Variants in BBS9 observed in about 807,000 individuals in gnomAD.
The protein encoded by BBS9 is Bardet-Biedl syndrome 9.
Under a neutral mutation model 117.7 loss-of-function variants are expected in BBS9, and 89 were observed. The ratio of observed to expected loss-of-function variants is 0.76; its 90% CI spans 0.64 to 0.90. The LOEUF is 0.90. Among genes scored for constraint, BBS9 ranks in the 40% least tolerant of loss-of-function variants. BBS9 has a pLI of 0.00. For synonymous variants in BBS9, 379 were observed against 370.9 expected, an observed-to-expected ratio of 1.02 and a Z score of -0.25; for missense variants, 982 against 1,042.2, an observed-to-expected ratio of 0.94 and a Z score of 0.80.
At chr7:33,240,260 C>CT (rs5883390) in intron 5 of BBS9, among the ~76,000 whole-genome samples, 262 of 139,392 alleles carry the variant, frequency 1.9e-3, no homozygotes, top group African/African-American at 6.3e-3. Flanking sequence ...CTTCATTGTT[C>CT]TTTTTTTTTT....
chr7:33,455,280 C>A (rs1838472579), intron 19 of BBS9, among the ~76,000 whole-genome samples: 3 of 152,046 alleles, frequency 2.0e-5, no homozygotes, highest in Admixed American at 6.5e-5. Context: ...GGAGGGAACA[C>A]GTAAGACACA....
intron 19 of BBS9, among the ~76,000 whole-genome samples, chr7:33,464,716 A>C (rs993592461): frequency 6.6e-6 from 1 of 151,894 alleles, no homozygotes; most frequent in Non-Finnish European, 1.5e-5. Flanking sequence ...TGATATTATA[A>C]AGCACATTTA....
At chr7:33,599,725 G>C (rs1324829237) in intron 21 of BBS9, among the ~76,000 whole-genome samples, 1 of 152,106 alleles carries the variant, frequency 6.6e-6, no homozygotes, top group Non-Finnish European at 1.5e-5. Flanking sequence ...TAGTTTTCCA[G>C]ATTAGTCCAG....
chr7:33,275,955 A>G (rs1475275901), intron 9 of BBS9, among the ~76,000 whole-genome samples: 2 of 152,156 alleles, frequency 1.3e-5, no homozygotes, highest in Non-Finnish European at 2.9e-5. Flanking sequence ...CTGTCATTTT[A>G]TTTTCGGTAC....
intron 21 of BBS9, 165 bp downstream of exon 21, chr7:33,534,341 A>G: frequency 5.5e-6 from 4 of 727,836 alleles, no homozygotes; most frequent in Non-Finnish European, 9.5e-6. Flanking sequence ...CCCTTGAATA[A>G]ATATCCCTGA....
intron 21 of BBS9, among the ~76,000 whole-genome samples, chr7:33,627,896 T>A (rs1359475889): frequency 1.3e-5 from 2 of 151,956 alleles, no homozygotes; most frequent in Admixed American, 1.3e-4. Context: ...ATAAAAGAAT[T>A]AGCTGGATGT....
chr7:33,302,878 C>T (rs1806791490), intron 9 of BBS9, among the ~76,000 whole-genome samples: 1 of 152,158 alleles, frequency 6.6e-6, no homozygotes, highest in Admixed American at 6.5e-5. Flanking sequence ...GTAGTATGGA[C>T]ATTTTAACAA....
chr7:33,357,957 C>G lies in BBS9; in HGVS notation c.1655C>G (p.Thr552Ser). 6.2e-7 allele frequency: 1 copy of G among 1,612,442 alleles called. No homozygotes were observed. Among genetic ancestry groups the G allele is most frequent in the South Asian group, 1.1e-5 (1 of 91,044 alleles). The change falls in exon 16 of 23, where the codon ACC (threonine) becomes AGC (serine). Residue 552 changes from threonine to serine, a missense_variant. Physicochemically the swap from Thr to Ser is moderately conservative, Grantham distance 58. Coordinates refer to ENST00000242067, the MANE Select transcript of BBS9 (RefSeq NM_198428.3). ...GCAAGCCACAAAATTACTATTGATA[C>G]CAACAAATCTCCAGTCAGTCTTCTT... The part of the protein sequence containing the change: ...KTASHKITID[T>S]NKSPVSLLSL...
At chr7:33,529,890 A>T (rs957693166) in intron 20 of BBS9, among the ~76,000 whole-genome samples, 1 of 152,216 alleles carries the variant, frequency 6.6e-6, no homozygotes, top group Non-Finnish European at 1.5e-5. Flanking sequence ...AGGTATGTGC[A>T]TGTAGTATGT....
At chr7:33,154,313 G>A (rs1461182963) in intron 3 of BBS9, among the ~76,000 whole-genome samples, 2 of 152,178 alleles carry the variant, frequency 1.3e-5, no homozygotes, top group African/African-American at 4.8e-5. Flanking sequence ...CACTCTGAAA[G>A]TTTAAATGAT....
rs1052169394 is a variant in BBS9, at chr7:33,370,341, A to G, written c.1789+2479A>G. ...AAAAATTAGCCAGTTGTGGTGGCACATGAATGTAGTCCCAGCTATTCTGGA... is the reference window on the plus strand; with the variant it reads ...AAAAATTAGCCAGTTGTGGTGGCACGTGAATGTAGTCCCAGCTATTCTGGA... On this transcript the variant is annotated intron_variant, in intron 17 of 22. Coordinates refer to ENST00000242067, the MANE Select transcript of BBS9 (RefSeq NM_198428.3). Among the ~76,000 whole-genome samples, 3 of 152,074 alleles carry G rather than the reference A, an allele frequency of 2.0e-5. No homozygotes were observed. In the East Asian group the frequency reaches 5.8e-4, roughly 29 times the overall value.
intron 21 of BBS9, among the ~76,000 whole-genome samples, chr7:33,576,591 T>A (rs1858921645): frequency 6.6e-6 from 1 of 151,948 alleles, no homozygotes; most frequent in African/African-American, 2.4e-5. Flanking sequence ...AAGAGCCCGC[T>A]TTGCCAAGAC....
chr7:33,192,066 T>G (rs766449360), intron 5 of BBS9, among the ~76,000 whole-genome samples: 2 of 152,138 alleles, frequency 1.3e-5, no homozygotes, highest in Non-Finnish European at 2.9e-5. Context: ...CAGAGTAATT[T>G]TAGAGTAATT....
intron 21 of BBS9, among the ~76,000 whole-genome samples, chr7:33,568,871 T>C (rs1563375348): frequency 6.6e-6 from 1 of 152,030 alleles, no homozygotes; most frequent in Non-Finnish European, 1.5e-5. Context: ...ACTAAAGAGA[T>C]TGGTTACCTA....
At chr7:33,527,328 T>C (rs61063961) in intron 20 of BBS9, among the ~76,000 whole-genome samples, 28,804 of 152,058 alleles carry the variant, frequency 0.19, 3,758 homozygotes, top group East Asian at 0.44. Flanking sequence ...TGGGCAATGG[T>C]GGGCGCCCCT....
rs79908594 is a variant in BBS9, at chr7:33,511,671, C to G, written c.2298+6026C>G. 6.6e-3 allele frequency among the ~76,000 whole-genome samples: 1,005 copies of G among 152,204 alleles called. 5 individuals are homozygous for G. Among genetic ancestry groups the G allele is most frequent in the Non-Finnish European group, 0.012 (795 of 68,000 alleles). Reference sequence around the variant, plus strand: ...CATCAGTGGGGGAAGGAGACTTGGGCCTTCAGCCTTATTTTTTGATTGATT... The same window carrying G: ...CATCAGTGGGGGAAGGAGACTTGGGGCTTCAGCCTTATTTTTTGATTGATT... On this transcript the variant is annotated intron_variant, in intron 20 of 22. Transcript: ENST00000242067.
At chr7:33,278,979 T>A (rs1801303435) in intron 9 of BBS9, among the ~76,000 whole-genome samples, 1 of 152,216 alleles carries the variant, frequency 6.6e-6, no homozygotes, top group African/African-American at 2.4e-5. Flanking sequence ...ATTACTCAAA[T>A]CAATATCATA....
chr7:33,229,924 G>GTT (rs1486281615), intron 5 of BBS9, among the ~76,000 whole-genome samples: 1 of 152,150 alleles, frequency 6.6e-6, no homozygotes, highest in East Asian at 1.9e-4. Flanking sequence ...AACATTTGTT[G>GTT]TTTTTTGCCT....
chr7:33,429,567 T>C (rs1020278015), intron 19 of BBS9, among the ~76,000 whole-genome samples: 1 of 152,198 alleles, frequency 6.6e-6, no homozygotes, highest in Admixed American at 6.5e-5. Context: ...GCTAGATCTT[T>C]ACTAGGATCC....
Sources: allele counts gnomAD v4.1 joint callset (sites outside exome capture counted in the v4.1 genomes callset), GRCh38; gene constraint gnomAD v4.1.1; transcripts MANE v1.5; gene names NCBI Gene and HGNC (gene_info 2026-07-23, HGNC 2026-07-21).